CEP57L1: variants seen among roughly 807,000 people sequenced by gnomAD.
The protein encoded by CEP57L1 is centrosomal protein CEP57L1.
In CEP57L1, 37 loss-of-function variants were observed where a neutral mutation model predicts 61.0. The observed-to-expected ratio is 0.61, with a 90% CI of 0.47 to 0.80. The LOEUF is 0.80. Among genes scored for constraint, CEP57L1 ranks in the 30% least tolerant of loss-of-function variants. The pLI, the probability that CEP57L1 is intolerant of heterozygous loss-of-function variation, is 0.00. For missense variants in CEP57L1, 422 were observed against 524.7 expected (o/e 0.80, Z 1.91); for synonymous variants, 137 against 162.3 (o/e 0.84, Z 1.19).
chr6:109,112,336 G>C (rs949042715), intron 1 of CEP57L1, among the ~76,000 whole-genome samples: 3 of 152,088 alleles, frequency 2.0e-5, no homozygotes, highest in Non-Finnish European at 2.9e-5. Context: ...ATTCTGTGAT[G>C]GTAGTTTGTA....
chr6:109,143,827 C>T (rs1347880982), intron 1 of CEP57L1, among the ~76,000 whole-genome samples: 1 of 152,112 alleles, frequency 6.6e-6, no homozygotes, highest in African/African-American at 2.4e-5. Context: ...GAGCTGAAAA[C>T]TAAGTCAGAT....
chr6:109,162,917 G>A lies in CEP57L1; in HGVS notation c.1330G>A (p.Val444Ile). The A allele has an allele frequency of 8.7e-6, 14 of 1,613,046 alleles. No homozygotes were observed. Among genetic ancestry groups the A allele is most frequent in the Non-Finnish European group, 1.2e-5 (14 of 1,179,366 alleles). ...QKNSSFHPIR[V>I]HNLQMKLRRD... ...AAACAGCAGCTTTCATCCAATACGAGTTCATAATCTTCAAATGAAATTGAG... is the reference window on the plus strand; with the variant it reads ...AAACAGCAGCTTTCATCCAATACGAATTCATAATCTTCAAATGAAATTGAG... Residue 444 changes from valine to isoleucine, a missense_variant, in exon 11 of 11, where the codon GTT (valine) becomes ATT (isoleucine). Transcript: ENST00000517392.
intron 5 of CEP57L1, among the ~76,000 whole-genome samples, chr6:109,154,378 C>T (rs1772998206): frequency 6.6e-6 from 1 of 152,098 alleles, no homozygotes; most frequent in Non-Finnish European, 1.5e-5. Context: ...GAAGTTCTCC[C>T]TTTGAAATAG....
Position 109,146,817 on chromosome 6 carries a change from A to T in CEP57L1, c.220A>T (p.Thr74Ser). 2 of 1,610,216 alleles carry T rather than the reference A, an allele frequency of 1.2e-6. No homozygotes were observed. The highest frequency in any genetic ancestry group is 2.2e-5 in the South Asian group (2 of 90,586). Residue 74 changes from threonine (T) to serine (S), a missense_variant, in exon 3 of 11, where the codon ACA becomes TCA. Transcript: ENST00000517392. ...AATTCATCGTTTAGAGCTGGAGAGA[A>T]CACAAGCTGAAGATAACCTGAACAT... ...EKIHRLELERTQAEDNLNILS... is the reference protein window; with the variant it reads ...EKIHRLELERSQAEDNLNILS...
In CEP57L1 at chr6:109,164,866, G is replaced by A. The variant is rs1773989130; in HGVS notation, c.*1896G>A. Among the ~76,000 whole-genome samples the A allele has an allele frequency of 6.6e-6, 1 of 152,044 alleles. No homozygotes were observed. Among genetic ancestry groups the A allele is most frequent in the African/African-American group, 2.4e-5 (1 of 41,404 alleles). On this transcript the variant is annotated 3_prime_UTR_variant, in exon 11 of 11. Transcript: ENST00000517392. ...GGAGGCCGAGGCAGGCAGATCACGA[G>A]GTCAGGAGATTGAGACCATCCTGGC...
At chr6:109,143,955 C>T (rs1771690591) in intron 1 of CEP57L1, among the ~76,000 whole-genome samples, 1 of 152,096 alleles carries the variant, frequency 6.6e-6, no homozygotes, top group Non-Finnish European at 1.5e-5. Flanking sequence ...TATAGTGAGC[C>T]AGCTGTGACT....
chr6:109,117,157 C>G (rs1772404120), intron 1 of CEP57L1, among the ~76,000 whole-genome samples: 2 of 152,018 alleles, frequency 1.3e-5, no homozygotes, highest in African/African-American at 2.4e-5. Context: ...ATGTTTGTGT[C>G]AAACTTCTTT....
upstream of CEP57L1, chr6:109,095,491 C>A: frequency 1.0e-6 from 1 of 985,820 alleles, no homozygotes; most frequent in Non-Finnish European, 1.2e-6. Flanking sequence ...AAACTACAAC[C>A]CCCAGGGGCC....
rs114880131 is a variant in CEP57L1, at chr6:109,158,210, G to A, written c.745-815G>A. ...CATCTGTTAAAGGATATCTGGAGCCGGGCGCGGTGGCTCACACCTGTAATC... is the reference window on the plus strand; with the variant it reads ...CATCTGTTAAAGGATATCTGGAGCCAGGCGCGGTGGCTCACACCTGTAATC... On this transcript the variant is annotated intron_variant, in intron 7 of 10. Transcript: ENST00000517392. 1.8e-3 allele frequency: 274 copies of A among 156,484 alleles called. 1 individual carries two copies. Among genetic ancestry groups the A allele is most frequent in the African/African-American group, 6.3e-3 (263 of 41,522 alleles). The allele number at this position is 156,484 out of a possible 1,614,324, so 9.7% of individuals were successfully genotyped here. A position where few individuals can be genotyped will look rare whatever the true frequency, so the allele number is the denominator to read the frequency against.
chr6:109,156,618 A>G (rs1055935723), intron 7 of CEP57L1: 5 of 152,066 alleles, frequency 3.3e-5, no homozygotes, highest in Admixed American at 2.6e-4. Flanking sequence ...CATTATTACT[A>G]TTTATTCAGA....
Position 109,123,393 on chromosome 6 carries a change from C to T in CEP57L1, c.-3-21826C>T, listed in dbSNP as rs192241642. Among the ~76,000 whole-genome samples, 150 of 152,254 alleles carry T rather than the reference C, an allele frequency of 9.9e-4. 1 individual carries two copies. The highest frequency in any genetic ancestry group is 3.5e-3 in the African/African-American group (147 of 41,538). On this transcript the variant is annotated intron_variant, in intron 1 of 10. Coordinates refer to ENST00000517392, the MANE Select transcript of CEP57L1 (RefSeq NM_001271852.3). ...GCTCAGCCCCTTAATAGCTGCATGACCCTGGGCAAGTTACTTAACTTCTCA... is the reference window on the plus strand; with the variant it reads ...GCTCAGCCCCTTAATAGCTGCATGATCCTGGGCAAGTTACTTAACTTCTCA...
chr6:109,103,929 A>T (rs2114576119), intron 1 of CEP57L1, among the ~76,000 whole-genome samples: 1 of 152,152 alleles, frequency 6.6e-6, no homozygotes, highest in East Asian at 1.9e-4. Flanking sequence ...GTCATTTTTA[A>T]AAGCATTACA....
intron 1 of CEP57L1, among the ~76,000 whole-genome samples, chr6:109,128,810 TA>T (rs1284773664): frequency 3.3e-5 from 5 of 152,240 alleles, no homozygotes; most frequent in African/African-American, 1.2e-4. Flanking sequence ...GTGTTCCTGC[TA>T]AACCTCTTAT....
In CEP57L1 at chr6:109,127,187, C is replaced by A. The variant is rs191627632; in HGVS notation, c.-3-18032C>A. ...CTCAAACAAAACAAAACAAAAAAAACCAAAAACTGGCTGTTCTACTCATGT... is the reference window on the plus strand; with the variant it reads ...CTCAAACAAAACAAAACAAAAAAAAACAAAAACTGGCTGTTCTACTCATGT... On this transcript the variant is annotated intron_variant, in intron 1 of 10. Coordinates refer to ENST00000517392, the MANE Select transcript of CEP57L1 (RefSeq NM_001271852.3). Among the ~76,000 whole-genome samples the A allele has an allele frequency of 9.3e-3, 1,416 of 152,082 alleles. 25 individuals are homozygous for A. Among genetic ancestry groups the A allele is most frequent in the African/African-American group, 0.031 (1,274 of 41,494 alleles).
In CEP57L1 at chr6:109,121,133, C is replaced by T. The variant is rs1051193066; in HGVS notation, c.-3-24086C>T. On this transcript the variant is annotated intron_variant, in intron 1 of 10. Transcript: ENST00000517392. ...CTTGAGGACCTTCACCCACTAAAAA[C>T]GGGGAAGTTAGCAGTGGTTGTTTGT... Among the ~76,000 whole-genome samples the T allele has an allele frequency of 8.5e-5, 13 of 152,204 alleles. No individual in the cohort carries two copies. The East Asian group carries it at 1.5e-3, about 18-fold the overall frequency.
rs1280576934 is a variant in CEP57L1 at position 109,160,710 on chromosome 6, A to G, written c.1155A>G (p.Gln385=). 1 of 1,588,352 alleles carries G rather than the reference A, an allele frequency of 6.3e-7. No individual in the cohort carries two copies. Among genetic ancestry groups the G allele is most frequent in the Non-Finnish European group, 8.5e-7 (1 of 1,173,156 alleles). ...AAATCTCCAAACTGAAGAAGCATCA[A>G]GACAGTGTAAGAAGGCTTTAGTAAG... ...GEQISKLKKH[Q]DSVCKLQQKV... The change falls in exon 10 of 11, where the codon CAA becomes CAG. Residue 385 remains glutamine (Q), a synonymous_variant. Coordinates refer to ENST00000517392, the MANE Select transcript of CEP57L1 (RefSeq NM_001271852.3).
chr6:109,144,918 G>A (rs1336192044), intron 1 of CEP57L1, among the ~76,000 whole-genome samples: 1 of 151,950 alleles, frequency 6.6e-6, no homozygotes, highest in African/African-American at 2.4e-5. Flanking sequence ...ACTATGATAG[G>A]TATATGGGAT....
intron 7 of CEP57L1, 146 bp from the exon 8 acceptor site, chr6:109,158,875 ATACG>A (rs1208063278): frequency 2.9e-6 from 2 of 689,836 alleles, no homozygotes; most frequent in Non-Finnish European, 5.0e-6. Context: ...TATGTTTGTC[ATACG>A]TATGTCTATG....
intron 1 of CEP57L1, 145 bp downstream of exon 1, chr6:109,095,720 GT>G: frequency 5.3e-6 from 2 of 375,240 alleles, no homozygotes; most frequent in Non-Finnish European, 7.4e-6. Context: ...GGAAGGACTA[GT>G]CCAGCTGCCC....
Sources: allele counts gnomAD v4.1 joint callset (sites outside exome capture counted in the v4.1 genomes callset), GRCh38; gene constraint gnomAD v4.1.1; transcripts MANE v1.5; gene names NCBI Gene and HGNC (gene_info 2026-07-23, HGNC 2026-07-21).